COL6A3: variants seen among roughly 807,000 people sequenced by gnomAD.
The protein encoded by COL6A3 is collagen alpha-3(VI) chain.
COL6A3 carries 137 observed loss-of-function variants against 274.1 expected under a neutral mutation model. The observed-to-expected ratio is 0.50, with a 90% CI of 0.44 to 0.58. COL6A3 has a LOEUF of 0.58. Among genes scored for constraint, COL6A3 ranks in the 20% least tolerant of loss-of-function variants. The pLI, the probability that COL6A3 is intolerant of heterozygous loss-of-function variation, is 0.00. For missense variants in COL6A3, 3,950 were observed against 4,124.9 expected (o/e 0.96, Z 1.16); for synonymous variants, 1,650 against 1,650.6 (o/e 1.00, Z 0.01).
rs35114079 is a variant in COL6A3 at position 237,371,910 on chromosome 2, G to A, written c.4107C>T (p.Ile1369=). Residue 1369 remains isoleucine (I), a synonymous_variant, in exon 9 of 44, where the codon ATC becomes ATT. Coordinates refer to ENST00000295550, the MANE Select transcript of COL6A3 (RefSeq NM_004369.4). This position sits in a 1 kb window ranked among gnomAD's most constrained non-coding sequence, Gnocchi z 4.3. The stretch of plus-strand genomic sequence containing the variant: ...GCTCCTCCTGGTCTGCGTTCCTGGC[G>A]ATCGTGAAAGGGGCCACGCCAAACT... ...LKQFGVAPFT[I]ARNADQEELV... is the part of the protein sequence containing the mutation. The A allele has an allele frequency of 8.4e-3, 13,486 of 1,613,892 alleles. 70 individuals carry two copies. Among genetic ancestry groups the A allele is most frequent in the Non-Finnish European group, 0.01 (12,114 of 1,180,004 alleles).
In COL6A3 at chr2:237,374,752, C is replaced by A; in HGVS notation, c.3339G>T (p.Glu1113Asp). 1 of 1,613,904 alleles carries A rather than the reference C, an allele frequency of 6.2e-7. No homozygotes were observed. The highest frequency in any genetic ancestry group is 1.1e-5 in the South Asian group (1 of 91,060). Residue 1113 changes from glutamate to aspartate, a missense_variant, in exon 8 of 44, where the codon GAG (glutamate) becomes GAT (aspartate). Physicochemically the swap from Glu to Asp is conservative, Grantham distance 45. This residue lies in a region of COL6A3 where 1,934 missense variants were observed against 1,984.3 expected (regional missense o/e 0.97). Coordinates refer to ENST00000295550, the MANE Select transcript of COL6A3 (RefSeq NM_004369.4). This position sits in a 1 kb window ranked among gnomAD's most constrained non-coding sequence, Gnocchi z 4.8. ...TGACCAGGATGTTCCTCAGGACAAA[C>A]TCCAGGGCGGCCCCGGTGTTGGGGG... ...GPTPNTGAAL[E>D]FVLRNILVSS...
rs954511060 is a variant in COL6A3 at position 237,340,366 on chromosome 2, T to A, written c.8464+86A>T. The A allele has an allele frequency of 1.0e-5, 13 of 1,262,148 alleles. No individual in the cohort carries two copies. In the African/African-American group the frequency reaches 1.9e-4, roughly 19 times the overall value. 78.2% of individuals were successfully genotyped at this position (1,262,148 alleles called of 1,614,324 possible). On this transcript the variant is annotated intron_variant, in intron 38 of 43. Coordinates refer to ENST00000295550, the MANE Select transcript of COL6A3 (RefSeq NM_004369.4). ...GAAACAGTTCCTGTCAACACATCGG[T>A]TGTCTTTTCCATGACTGTTCCTACA...
chr2:237,344,664 T>C lies in COL6A3; in HGVS notation c.7354A>G (p.Asn2452Asp). ...AACCGGATCTCCGTGGTCACCTCGT[T>C]GTTGTAGGTGACCACAGCCACCCGG... The part of the protein sequence containing the change: ...GARVAVVTYN[N>D]EVTTEIRFAD... The change falls in exon 36 of 44, where the codon AAC (asparagine) becomes GAC (aspartate). Residue 2452 changes from asparagine (N) to aspartate (D), a missense_variant. Asn to Asp is a conservative substitution (Grantham distance 23). Around this residue, in one of 5 missense-constraint regions of COL6A3, gnomAD observed 1,284 missense variants for 1,349.7 expected, o/e 0.95. Transcript: ENST00000295550. This position sits in a 1 kb window ranked among gnomAD's most constrained non-coding sequence, Gnocchi z 4.8. 1 of 1,612,700 alleles carries C rather than the reference T, an allele frequency of 6.2e-7. No homozygotes were observed. The highest frequency in any genetic ancestry group is 8.5e-7 in the Non-Finnish European group (1 of 1,178,920).
At position 237,378,683 on chromosome 2, in the gene COL6A3, G is replaced by T; in HGVS notation, c.2450C>A (p.Thr817Asn). ...CTCCACACCTCCACTAACATATGTG[G>T]TTAGGGGCTGAATCAGCTGCTGAGG... ...ALPQQLIQPL[T>N]TYVSGGVEEV... The change falls in exon 6 of 44, where the codon ACC (threonine) becomes AAC (asparagine). Residue 817 changes from threonine (T) to asparagine (N), a missense_variant. Thr to Asn is a moderately conservative substitution (Grantham distance 65, BLOSUM62 0). Around this residue, in one of 5 missense-constraint regions of COL6A3, gnomAD observed 1,934 missense variants for 1,984.3 expected, o/e 0.97. Transcript: ENST00000295550. The T allele has an allele frequency of 4.3e-6, 7 of 1,613,544 alleles. No homozygotes were observed. The highest frequency in any genetic ancestry group is 5.9e-6 in the Non-Finnish European group (7 of 1,180,048).
chr2:237,334,800 A>T lies in COL6A3; in HGVS notation c.9055T>A (p.Phe3019Ile). 1 of 1,614,164 alleles carries T rather than the reference A, an allele frequency of 6.2e-7. No homozygotes were observed. The highest frequency in any genetic ancestry group is 1.1e-5 in the South Asian group (1 of 91,080). Residue 3019 changes from phenylalanine to isoleucine, a missense_variant, in exon 41 of 44, where the codon TTT (phenylalanine) becomes ATT (isoleucine). Around this residue, in one of 5 missense-constraint regions of COL6A3, gnomAD observed 1,284 missense variants for 1,349.7 expected, o/e 0.95. Transcript: ENST00000295550. ...GCTGAGGTGACGGTGAGGTCATAAA[A>T]ATAAGGACCGGGGGGCTCAGCCCTC... ...WERAEPPGPY[F>I]YDLTVTSAHD...
intron 8 of COL6A3, among the ~76,000 whole-genome samples, chr2:237,373,419 A>T (rs1365787475): frequency 6.6e-6 from 1 of 152,108 alleles, no homozygotes; most frequent in Non-Finnish European, 1.5e-5. Context: ...GCCCAAATTT[A>T]CCTGATCATA....
rs1285515189 is a variant in COL6A3 at position 237,388,018 on chromosome 2, G to T, written c.876C>A (p.Thr292=). The change falls in exon 4 of 44, where the codon ACC becomes ACA. Residue 292 remains threonine (T), a synonymous_variant. Transcript: ENST00000295550. ...GVVQFSDEPR[T]MFSLDTYSTK... ...TGGAGTAGGTGTCCAAGGAGAACATGGTTCTGGGCTCATCGCTAAACTGGA... is the reference window on the plus strand; with the variant it reads ...TGGAGTAGGTGTCCAAGGAGAACATTGTTCTGGGCTCATCGCTAAACTGGA... 1 of 1,614,204 alleles carries T rather than the reference G, an allele frequency of 6.2e-7. No individual in the cohort carries two copies. The highest frequency in any genetic ancestry group is 8.5e-7 in the Non-Finnish European group (1 of 1,180,038).
rs781446692 is a variant in COL6A3, at chr2:237,376,898, C to G, written c.2944G>C (p.Glu982Gln). 6.2e-7 allele frequency: 1 copy of G among 1,614,252 alleles called. No homozygotes were observed. Among genetic ancestry groups the G allele is most frequent in the Non-Finnish European group, 8.5e-7 (1 of 1,180,044 alleles). Residue 982 changes from glutamate to glutamine, a missense_variant, in exon 7 of 44, where the codon GAG (glutamate) becomes CAG (glutamine). Physicochemically the swap from Glu to Gln is conservative, Grantham distance 29. Transcript: ENST00000295550. ...GGAGACAGCACGATCTGCTCTAACTCAGCAGGGTCTGCGTTCTTGGCTTGG... is the reference window on the plus strand; with the variant it reads ...GGAGACAGCACGATCTGCTCTAACTGAGCAGGGTCTGCGTTCTTGGCTTGG... ...IFQAKNADPAELEQIVLSPAF... is the reference protein window; with the variant it reads ...IFQAKNADPAQLEQIVLSPAF...
At chr2:237,339,201 A>T in intron 38 of COL6A3, 84 bp from the exon 39 acceptor site, 1 of 934,420 alleles carries the variant, frequency 1.1e-6, no homozygotes, top group Non-Finnish European at 1.7e-6. Flanking sequence ...AGTTAAATGA[A>T]TCACATAACA....
At position 237,377,112 on chromosome 2, in the gene COL6A3, C is replaced by T. The variant is rs367991818; in HGVS notation, c.2730G>A (p.Thr910=). The change falls in exon 7 of 44, where the codon ACG becomes ACA. Residue 910 remains threonine (T), a synonymous_variant. Transcript: ENST00000295550. Reference sequence around the variant, plus strand: ...CGTAGCCCAGGTTGAGGGCTTTGCCCGTCTTGATCTTCATTCTCTTCACAA... The same window carrying T: ...CGTAGCCCAGGTTGAGGGCTTTGCCTGTCTTGATCTTCATTCTCTTCACAA... ...LNLVKRMKIK[T]GKALNLGYAL... is the part of the protein sequence containing the mutation. 51 of 1,614,074 alleles carry T rather than the reference C, an allele frequency of 3.2e-5. No individual in the cohort carries two copies. Among genetic ancestry groups the T allele is most frequent in the Admixed American group, 6.7e-5 (4 of 60,002 alleles).
intron 42 of COL6A3, among the ~76,000 whole-genome samples, chr2:237,330,736 C>G (rs1227452456): frequency 2.0e-5 from 3 of 152,208 alleles, no homozygotes; most frequent in Non-Finnish European, 4.4e-5. Context: ...GACTCACATT[C>G]CTGATAAACA....
intron 5 of COL6A3, among the ~76,000 whole-genome samples, chr2:237,379,684 G>T (rs2077952010): frequency 6.6e-6 from 1 of 152,168 alleles, no homozygotes; most frequent in African/African-American, 2.4e-5. Context: ...GAAGCAGTTA[G>T]CCCTCACTAA....
intron 4 of COL6A3, among the ~76,000 whole-genome samples, chr2:237,385,997 C>T (rs1157291356): frequency 6.6e-6 from 1 of 152,220 alleles, no homozygotes; most frequent in Admixed American, 6.5e-5. Context: ...ACACAGCCTT[C>T]TCCAGAAGGC....
chr2:237,372,337 C>A lies in COL6A3; in HGVS notation c.3680G>T (p.Gly1227Val). 6.2e-7 allele frequency: 1 copy of A among 1,604,320 alleles called. No individual in the cohort carries two copies. Among genetic ancestry groups the A allele is most frequent in the Non-Finnish European group, 8.5e-7 (1 of 1,179,980 alleles). ...QPVLQPLPSP[G>V]VGGKRDVVFL... ...GACCACGTCCCTCTTGCCACCAACACCTGCGAAACAAATGTGAGCATGGCT... is the reference window on the plus strand; with the variant it reads ...GACCACGTCCCTCTTGCCACCAACAACTGCGAAACAAATGTGAGCATGGCT... The change falls in exon 9 of 44, where the codon GGT becomes GTT. Residue 1227 changes from glycine to valine, a missense_variant and splice_region_variant. Physicochemically the swap from Gly to Val is moderately radical, Grantham distance 109. This residue lies in a region of COL6A3 where 1,934 missense variants were observed against 1,984.3 expected (regional missense o/e 0.97). Transcript: ENST00000295550.
Position 237,353,378 on chromosome 2 carries a change from G to A in COL6A3, c.6653C>T (p.Pro2218Leu), listed in dbSNP as rs36117715. 0.038 allele frequency: 61,803 copies of A among 1,613,906 alleles called. 2,181 individuals are homozygous for A. Among genetic ancestry groups the A allele is most frequent in the African/African-American group, 0.18 (13,364 of 74,940 alleles). Reference sequence around the variant, plus strand: ...GGTCCCCTGCTCTCCCTCAAAGCCCGGCTGGCCAGGACCGCCCTTGTTGCC... The same window carrying A: ...GGTCCCCTGCTCTCCCTCAAAGCCCAGCTGGCCAGGACCGCCCTTGTTGCC... Reference protein sequence around the residue: ...AKGNKGGPGQPGFEGEQGTRG... With the variant: ...AKGNKGGPGQLGFEGEQGTRG... Residue 2218 changes from proline to leucine, a missense_variant, in exon 25 of 44, where the codon CCG becomes CTG. By Grantham distance (98) the Pro-to-Leu change is moderately conservative. Coordinates refer to ENST00000295550, the MANE Select transcript of COL6A3 (RefSeq NM_004369.4).
chr2:237,338,297 TGA>T (rs918410373), intron 39 of COL6A3, among the ~76,000 whole-genome samples: 48 of 152,240 alleles, frequency 3.2e-4, no homozygotes, highest in African/African-American at 1.1e-3. Flanking sequence ...CTGCTGAGAA[TGA>T]GAGACCACAT....
intron 21 of COL6A3, among the ~76,000 whole-genome samples, chr2:237,358,239 C>G (rs1449185163): frequency 5.3e-5 from 8 of 152,190 alleles, no homozygotes; most frequent in Admixed American, 5.2e-4. Flanking sequence ...AGAAAAGCTG[C>G]AAACTCTTCT....
rs974770049 is a variant in COL6A3, at chr2:237,337,055, A to AT, written c.8568-524dup. The stretch of plus-strand genomic sequence containing the variant: ...TTTCTCTTAATTTTTGTGTATGTGT[A>AT]TTTTTTTTTACAATTTCTTGATCTA... On this transcript the variant is annotated intron_variant, in intron 39 of 43. Transcript: ENST00000295550. 5.9e-4 allele frequency among the ~76,000 whole-genome samples: 89 copies of AT among 151,226 alleles called. 1 individual carries two copies. The highest frequency in any genetic ancestry group is 1.8e-3 in the African/African-American group (73 of 41,282).
At chr2:237,357,985 G>A in intron 21 of COL6A3, 103 bp from the exon 22 acceptor site, 2 of 1,105,292 alleles carry the variant, frequency 1.8e-6, no homozygotes, top group Non-Finnish European at 2.8e-6. Flanking sequence ...TGCATGCAAG[G>A]CTTCGAGGGA....
Sources: gnomAD v4.1 joint callset for allele counts (sites outside exome capture counted in the v4.1 genomes callset) on GRCh38, gnomAD v4.1.1 for gene constraint, gnomAD v4.1.1 regional missense constraint, Gnocchi (gnomAD v3.1) non-coding constraint, MANE v1.5 for transcripts, NCBI Gene and HGNC (gene_info 2026-07-23, HGNC 2026-07-21) for gene names.